CACNA1G: variants seen among roughly 807,000 people sequenced by gnomAD.
The protein encoded by CACNA1G is calcium voltage-gated channel subunit alpha1 G.
In CACNA1G, 67 loss-of-function variants were observed where a neutral mutation model predicts 219.4. That is an observed-to-expected ratio of 0.31 (90% CI 0.25 to 0.37). The LOEUF is 0.37. CACNA1G is among the 10% of genes least tolerant of loss of function. The pLI is 1.00. For synonymous variants in CACNA1G, 1,296 were observed against 1,345.3 expected (o/e 0.96, Z 0.80); for missense variants, 2,380 against 3,231.4 (o/e 0.74, Z 6.39).
In CACNA1G at chr17:50,573,082, A is replaced by T; in HGVS notation, c.1109A>T (p.Tyr370Phe). ...MYFVMDAHSFYNFIYFILLII... is the reference protein window; with the variant it reads ...MYFVMDAHSFFNFIYFILLII... The stretch of plus-strand genomic sequence containing the variant: ...TTTGTGATGGATGCTCATTCCTTCT[A>T]CAATTTCATCTACTTCATCCTCCTC... Residue 370 changes from tyrosine (Y) to phenylalanine (F), a missense_variant, in exon 7 of 38, where the codon TAC becomes TTC. Physicochemically the swap from Tyr to Phe is conservative, Grantham distance 22. Transcript: ENST00000359106. 6.3e-7 allele frequency: 1 copy of T among 1,575,996 alleles called. No homozygotes were observed. Among genetic ancestry groups the T allele is most frequent in the Non-Finnish European group, 8.6e-7 (1 of 1,159,670 alleles).
At chr17:50,570,476 G>A (rs1407207424) in intron 4 of CACNA1G, among the ~76,000 whole-genome samples, 1 of 152,026 alleles carries the variant, frequency 6.6e-6, no homozygotes, top group African/African-American at 2.4e-5. Flanking sequence ...GGTCCTAGGA[G>A]TGGGGTGGTT....
At position 50,596,437 on chromosome 17, in the gene CACNA1G, G is replaced by A. The variant is rs1056325636; in HGVS notation, c.2980-125G>A. The stretch of plus-strand genomic sequence containing the variant: ...GTCTGGCCTGCGCCGTGCATGTCTC[G>A]TGCCGTGGTTGCTGGTTCCTGTGGC... On this transcript the variant is annotated intron_variant, in intron 14 of 37. Transcript: ENST00000359106. The surrounding 1 kb of genome is among the most constrained non-coding windows in gnomAD (Gnocchi z 4.8). 15 of 768,606 alleles carry A rather than the reference G, an allele frequency of 2.0e-5. No individual in the cohort carries two copies. The highest frequency in any genetic ancestry group is 1.5e-4 in the African/African-American group (9 of 58,434). The allele number at this position is 768,606 out of a possible 1,614,324, so 47.6% of individuals were successfully genotyped here. A position where few individuals can be genotyped will look rare whatever the true frequency, so the allele number is the denominator to read the frequency against.
intron 9 of CACNA1G, among the ~76,000 whole-genome samples, chr17:50,583,634 A>C (rs938765075): frequency 8.1e-6 from 1 of 123,856 alleles, no homozygotes; most frequent in African/African-American, 3.0e-5. Flanking sequence ...CGAAAGATGA[A>C]TGGAATTGAC....
rs1289945258 is a variant in CACNA1G, at chr17:50,619,757, G to A, written c.5856G>A (p.Glu1952=). The part of the protein sequence containing the change: ...SLEWELKLMD[E]LAGPGGQPSA... ...AGTGGGAGCTGAAGCTGATGGACGA[G>A]CTGGCAGGCCCAGGGGGCCAGCCCT... Residue 1952 remains glutamate, a synonymous_variant, in exon 34 of 38, where the codon GAG becomes GAA. Coordinates refer to ENST00000359106, the MANE Select transcript of CACNA1G (RefSeq NM_018896.5). 1.2e-6 allele frequency: 2 copies of A among 1,609,268 alleles called. No individual in the cohort carries two copies. The highest frequency in any genetic ancestry group is 1.7e-6 in the Non-Finnish European group (2 of 1,178,948).
chr17:50,575,793 T>C lies in CACNA1G; in HGVS notation c.1391T>C (p.Leu464Pro). The C allele has an allele frequency of 6.4e-7, 1 of 1,553,206 alleles. No individual in the cohort carries two copies. Among genetic ancestry groups the C allele is most frequent in the Non-Finnish European group, 8.7e-7 (1 of 1,148,472 alleles). Residue 464 changes from leucine (L) to proline (P), a missense_variant, in exon 8 of 38, where the codon CTG becomes CCG. By Grantham distance (98) the Leu-to-Pro change is moderately conservative. Around this residue, in one of 17 missense-constraint regions of CACNA1G, gnomAD observed 434 missense variants for 417.3 expected, o/e 1.04. Transcript: ENST00000359106. ...VSRAAGVRVG[L>P]LSSPAPLGGQ... ...CGGGCAGCAGGTGTGCGGGTTGGGCTGCTCAGCAGCCCAGCACCCCTCGGG... is the reference window on the plus strand; with the variant it reads ...CGGGCAGCAGGTGTGCGGGTTGGGCCGCTCAGCAGCCCAGCACCCCTCGGG...
intron 9 of CACNA1G, among the ~76,000 whole-genome samples, chr17:50,579,477 T>G (rs993747031): frequency 2.0e-5 from 3 of 152,104 alleles, no homozygotes; most frequent in African/African-American, 4.8e-5. Flanking sequence ...TCCTCACAAC[T>G]GGGTTTGGCT....
chr17:50,580,992 G>A (rs1387408858), intron 9 of CACNA1G, among the ~76,000 whole-genome samples: 1 of 151,930 alleles, frequency 6.6e-6, no homozygotes, highest in East Asian at 1.9e-4. Flanking sequence ...GAGACACAGA[G>A]TGGGCACAGA....
chr17:50,619,551 T>G, intron 33 of CACNA1G, 132 bp from the exon 34 acceptor site: 1 of 673,966 alleles, frequency 1.5e-6, no homozygotes, highest in Non-Finnish European at 2.5e-6. Flanking sequence ...CACATGTGCA[T>G]GTGTGTTGTC....
At chr17:50,586,376 C>G (rs1185350564) in intron 9 of CACNA1G, among the ~76,000 whole-genome samples, 6 of 152,320 alleles carry the variant, frequency 3.9e-5, no homozygotes, top group African/African-American at 1.4e-4. Flanking sequence ...GGGCAGACAA[C>G]TTGATTCTTG....
chr17:50,622,866 G>A (rs970236566), intron 35 of CACNA1G, among the ~76,000 whole-genome samples: 8 of 152,146 alleles, frequency 5.3e-5, no homozygotes, highest in Non-Finnish European at 1.2e-4. Context: ...TGGTTAAAGT[G>A]GAGGTCAGGG....
chr17:50,590,790 CA>C (rs903221245), intron 10 of CACNA1G, among the ~76,000 whole-genome samples, 168 bp downstream of exon 10: 78 of 152,254 alleles, frequency 5.1e-4, no homozygotes, highest in Admixed American at 1.0e-3. Context: ...TCTGTGTCCC[CA>C]TGCCCCCTCC....
chr17:50,562,252 G>C (rs1292784045), intron 1 of CACNA1G: 1 of 152,832 alleles, frequency 6.5e-6, no homozygotes, highest in Non-Finnish European at 1.5e-5. Context: ...CCCCCAACCT[G>C]GTCCTTGAGG....
Position 50,561,094 on chromosome 17 carries a change from C to T in CACNA1G, c.-366C>T, listed in dbSNP as rs1023469747. The T allele has an allele frequency of 2.4e-6, 1 of 422,170 alleles. No individual in the cohort carries two copies. Among genetic ancestry groups the T allele is most frequent in the South Asian group, 1.7e-5 (1 of 59,538 alleles). 26.2% of individuals were successfully genotyped at this position (422,170 alleles called of 1,614,324 possible). A position where few individuals can be genotyped will look rare whatever the true frequency, so the allele number is the denominator to read the frequency against. ...CGCCCTCCGCCGCTGCCCCCCTTTT[C>T]GTTCGCCCTCTCGGGGCGGCTTCGC... On this transcript the variant is annotated 5_prime_UTR_variant, in exon 1 of 38. Coordinates refer to ENST00000359106, the MANE Select transcript of CACNA1G (RefSeq NM_018896.5).
chr17:50,582,826 G>T (rs1411481070), intron 9 of CACNA1G, among the ~76,000 whole-genome samples: 1 of 152,072 alleles, frequency 6.6e-6, no homozygotes, highest in Non-Finnish European at 1.5e-5. Context: ...GGGAGAGGAA[G>T]GGGAGGGACC....
Position 50,615,364 on chromosome 17 carries a change from C to T in CACNA1G, c.4763C>T (p.Ala1588Val). ...GCTCTTCCCCCTGCCCCATCAGAAG[C>T]CCAGTGCAAACCTTACTACTCCGAC... ...SGSSASAASEAQCKPYYSDYS... is the reference protein window; with the variant it reads ...SGSSASAASEVQCKPYYSDYS... Residue 1588 changes from alanine to valine, a missense_variant, in exon 27 of 38, where the codon GCC (alanine) becomes GTC (valine). Physicochemically the swap from Ala to Val is moderately conservative, Grantham distance 64. Transcript: ENST00000359106. 6.3e-7 allele frequency: 1 copy of T among 1,593,872 alleles called. No individual in the cohort carries two copies. Among genetic ancestry groups the T allele is most frequent in the Non-Finnish European group, 8.6e-7 (1 of 1,165,398 alleles).
At chr17:50,562,700 C>G (rs2036222745) in intron 1 of CACNA1G, among the ~76,000 whole-genome samples, 1 of 152,126 alleles carries the variant, frequency 6.6e-6, no homozygotes, top group African/African-American at 2.4e-5. Context: ...CTTGAGGGGA[C>G]AGTAATACTG....
intron 9 of CACNA1G, among the ~76,000 whole-genome samples, chr17:50,581,468 G>A (rs896480509): frequency 1.7e-4 from 26 of 152,016 alleles, no homozygotes; most frequent in Non-Finnish European, 1.3e-4. Flanking sequence ...CCTCCTGGCC[G>A]TCACCGCTGC....
chr17:50,597,150 A>G (rs2045737067), intron 16 of CACNA1G, among the ~76,000 whole-genome samples: 1 of 152,046 alleles, frequency 6.6e-6, no homozygotes, highest in African/African-American at 2.4e-5. Context: ...CCTCTTCTGT[A>G]CCCTAGCTGA....
chr17:50,561,186 G>C lies in CACNA1G; in HGVS notation c.-274G>C, dbSNP rs1011228453. The C allele has an allele frequency of 3.7e-5, 21 of 565,920 alleles. No homozygotes were observed. The highest frequency in any genetic ancestry group is 2.0e-4 in the Admixed American group (7 of 35,618). 35.1% of individuals were successfully genotyped at this position (565,920 alleles called of 1,614,324 possible). A position where few individuals can be genotyped will look rare whatever the true frequency, so the allele number is the denominator to read the frequency against. On this transcript the variant is annotated 5_prime_UTR_variant, in exon 1 of 38. Coordinates refer to ENST00000359106, the MANE Select transcript of CACNA1G (RefSeq NM_018896.5). ...AGCGAAGAAGCCGGAACAAAGTGAGGGGGAGCCGGCCGGCTGGCCCGGGAA... is the reference window on the plus strand; with the variant it reads ...AGCGAAGAAGCCGGAACAAAGTGAGCGGGAGCCGGCCGGCTGGCCCGGGAA...
Sources: gnomAD v4.1 joint callset for allele counts (sites outside exome capture counted in the v4.1 genomes callset) on GRCh38, gnomAD v4.1.1 for gene constraint, gnomAD v4.1.1 regional missense constraint, Gnocchi (gnomAD v3.1) non-coding constraint, MANE v1.5 for transcripts, NCBI Gene and HGNC (gene_info 2026-07-23, HGNC 2026-07-21) for gene names.